CABP1: variants seen among roughly 807,000 people sequenced by gnomAD.
CABP1 encodes the protein calcium-binding protein 1.
Under a neutral mutation model 34.3 loss-of-function variants are expected in CABP1, and 17 were observed. That is an observed-to-expected ratio of 0.50 (90% CI 0.34 to 0.74). The LOEUF (loss-of-function observed/expected upper bound fraction) is 0.74, where lower values mean the gene tolerates loss of function less well. Ranked by LOEUF, CABP1 falls within the 30% of genes least tolerant of loss-of-function variation. CABP1 has a pLI of 0.01. For synonymous variants in CABP1, 198 were observed against 229.2 expected (o/e 0.86, Z 1.23); for missense variants, 373 against 511.1 (o/e 0.73, Z 2.61).
chr12:120,659,813 G>A, intron 1 of CABP1, 65 bp from the exon 2 acceptor site: 1 of 1,537,144 alleles, frequency 6.5e-7, no homozygotes, highest in Non-Finnish European at 9.0e-7. Context: ...ATGGCCCCCA[G>A]GTTAGGTATT....
At position 120,640,776 on chromosome 12, in the gene CABP1, C is replaced by A. The variant is rs1366544277; in HGVS notation, c.91C>A (p.Arg31Ser). The stretch of plus-strand genomic sequence containing the variant: ...CGGGCTTGGCTCCCGCCGGGAGCCC[C>A]GTTCTCTGCCCGCCGGGGGCCCCGC... Reference protein sequence around the residue: ...VLGLGSRREPRSLPAGGPAPR... With the variant: ...VLGLGSRREPSSLPAGGPAPR... Residue 31 changes from arginine to serine, a missense_variant, in exon 1 of 6, where the codon CGT (arginine) becomes AGT (serine). Transcript: ENST00000316803. This position sits in a 1 kb window ranked among gnomAD's most constrained non-coding sequence, Gnocchi z 6.2. The A allele has an allele frequency of 2.6e-6, 3 of 1,146,032 alleles. No individual in the cohort carries two copies. Among genetic ancestry groups the A allele is most frequent in the South Asian group, 8.1e-5 (2 of 24,652 alleles). The allele number at this position is 1,146,032 out of a possible 1,614,324, so 71.0% of individuals were successfully genotyped here.
At chr12:120,659,616 C>T (rs1703294000) in intron 1 of CABP1, 1 of 437,654 alleles carries the variant, frequency 2.3e-6, no homozygotes, top group Non-Finnish European at 4.1e-6. Flanking sequence ...GAACAAGGGG[C>T]TGGAGGCACA....
At chr12:120,655,713 C>T (rs1184785717) in intron 1 of CABP1, 3 of 1,442,408 alleles carry the variant, frequency 2.1e-6, no homozygotes, top group Admixed American at 2.6e-5. Flanking sequence ...GATGTTGTCT[C>T]ATTAGGCTCT....
intron 1 of CABP1, among the ~76,000 whole-genome samples, chr12:120,646,183 T>A (rs147242989): frequency 2.0e-5 from 3 of 152,328 alleles, no homozygotes; most frequent in Non-Finnish European, 4.4e-5. Context: ...TCCCTGTTCG[T>A]CAGAAGCATC....
the CABP1 span, among the ~76,000 whole-genome samples, chr12:120,674,353 T>C: frequency 6.6e-6 from 1 of 152,250 alleles, no homozygotes; most frequent in African/African-American, 2.4e-5. Context: ...GAACCTCTTA[T>C]TGACAGTGAC....
chr12:120,649,344 A>T (rs1402949851), intron 1 of CABP1, among the ~76,000 whole-genome samples: 1 of 152,116 alleles, frequency 6.6e-6, no homozygotes, highest in African/African-American at 2.4e-5. Flanking sequence ...GCTTGGGAGG[A>T]GTTCTGCTTC....
intron 1 of CABP1, 164 bp from the exon 2 acceptor site, chr12:120,659,714 T>C (rs1880503382): frequency 6.6e-6 from 4 of 603,242 alleles, no homozygotes; most frequent in South Asian, 6.4e-5. Context: ...AAGGGAGATG[T>C]GGGGCTTTCT....
chr12:120,660,605 GTTA>G lies in CABP1; in HGVS notation c.830-119_830-117del, dbSNP rs1396043024. The G allele has an allele frequency of 7.9e-6, 6 of 761,340 alleles. No homozygotes were observed. Among genetic ancestry groups the G allele is most frequent in the Middle Eastern group, 7.6e-4 (2 of 2,640 alleles). The allele number at this position is 761,340 out of a possible 1,614,324, so 47.2% of individuals were successfully genotyped here. On this transcript the variant is annotated intron_variant, in intron 3 of 5. Transcript: ENST00000316803. The surrounding 1 kb of genome is among the most constrained non-coding windows in gnomAD (Gnocchi z 5.0). ...AGGAAGAACTGAACAGAGGGCTCTT[GTTA>G]TTATTAAGTTTGTCTCTATCTGATG...
At chr12:120,656,019 C>G in intron 1 of CABP1, 2 of 1,604,310 alleles carry the variant, frequency 1.2e-6, no homozygotes, top group Non-Finnish European at 1.7e-6. Flanking sequence ...AAGCCCCTCC[C>G]GGGACCAGGA....
intron 1 of CABP1, among the ~76,000 whole-genome samples, chr12:120,654,396 G>T (rs1880033517): frequency 1.3e-5 from 2 of 152,162 alleles, no homozygotes; most frequent in African/African-American, 4.8e-5. Flanking sequence ...TGGGCAGGGG[G>T]TTGTTCTGAG....
intron 1 of CABP1, among the ~76,000 whole-genome samples, chr12:120,653,430 C>T (rs565015126): frequency 6.6e-6 from 1 of 152,352 alleles, no homozygotes; most frequent in Admixed American, 6.5e-5. Flanking sequence ...CCCAAGGTCA[C>T]ACAGCAAGCA....
chr12:120,658,261 C>T (rs779120906), intron 1 of CABP1, among the ~76,000 whole-genome samples: 1 of 151,934 alleles, frequency 6.6e-6, no homozygotes, highest in Non-Finnish European at 1.5e-5. Context: ...GCTTGGCTAA[C>T]TAAAACAAGG....
At chr12:120,653,619 C>T (rs533179172) in intron 1 of CABP1, among the ~76,000 whole-genome samples, 32 of 152,316 alleles carry the variant, frequency 2.1e-4, no homozygotes, top group African/African-American at 7.7e-4. Context: ...ACTGAAGCCT[C>T]TGCCTCCTGG....
chr12:120,678,540 T>C, the CABP1 span, among the ~76,000 whole-genome samples: 1 of 152,210 alleles, frequency 6.6e-6, no homozygotes, highest in Admixed American at 6.5e-5. Flanking sequence ...AGGACTTCTA[T>C]GGGCCAGGCA....
At position 120,660,873 on chromosome 12, in the gene CABP1, C is replaced by A; in HGVS notation, c.939+33C>A. On this transcript the variant is annotated intron_variant, in intron 4 of 5. Transcript: ENST00000316803. The surrounding 1 kb of genome is among the most constrained non-coding windows in gnomAD (Gnocchi z 5.0). ...ACAGAGGCAGGCAGGCATGGGGCGG[C>A]TATTGGAATCCTATCTGCAGTATAA... 6.6e-7 allele frequency: 1 copy of A among 1,510,770 alleles called. No homozygotes were observed. The allele number at this position is 1,510,770 out of a possible 1,614,324, so 93.6% of individuals were successfully genotyped here.
At position 120,667,165 on chromosome 12, in the gene CABP1, T is replaced by C. The variant is rs1216159541; in HGVS notation, c.*265T>C. 1 of 563,566 alleles carries C rather than the reference T, an allele frequency of 1.8e-6. No homozygotes were observed. The highest frequency in any genetic ancestry group is 3.0e-5 in the East Asian group (1 of 33,862). The allele number at this position is 563,566 out of a possible 1,614,324, so 34.9% of individuals were successfully genotyped here. On this transcript the variant is annotated 3_prime_UTR_variant, in exon 6 of 6. Transcript: ENST00000316803. ...AGGTCATGCCAGGCGCCAAGGGCCATGTGCCCAGCTGCTGCTGGCTGGGTG... is the reference window on the plus strand; with the variant it reads ...AGGTCATGCCAGGCGCCAAGGGCCACGTGCCCAGCTGCTGCTGGCTGGGTG...
downstream of CABP1, among the ~76,000 whole-genome samples, chr12:120,672,054 C>T (rs189499163): frequency 2.8e-3 from 419 of 152,072 alleles, 2 homozygotes; most frequent in Admixed American, 6.1e-3. Context: ...GACAACCGAG[C>T]GAGACCCCAT....
chr12:120,662,948 G>C (rs1308299424), intron 5 of CABP1, among the ~76,000 whole-genome samples: 3 of 152,184 alleles, frequency 2.0e-5, no homozygotes, highest in African/African-American at 7.2e-5. Flanking sequence ...GCCTCCCAAA[G>C]TGCTGGGATT....
intron 1 of CABP1, among the ~76,000 whole-genome samples, chr12:120,643,292 G>C (rs1036867715): frequency 6.6e-6 from 1 of 152,116 alleles, no homozygotes; most frequent in East Asian, 1.9e-4. Flanking sequence ...CTGACACCTC[G>C]AAGTCATCTA....
Sources: gnomAD v4.1 joint callset for allele counts (sites outside exome capture counted in the v4.1 genomes callset) on GRCh38, gnomAD v4.1.1 for gene constraint, Gnocchi (gnomAD v3.1) non-coding constraint, MANE v1.5 for transcripts, NCBI Gene and HGNC (gene_info 2026-07-23, HGNC 2026-07-21) for gene names.